The following IRS1 variants were observed in gnomAD, a reference collection of about 807,000 sequenced individuals.
IRS1 encodes the protein insulin receptor substrate 1.
In IRS1, 34 loss-of-function variants were observed where a neutral mutation model predicts 65.6. That is an observed-to-expected ratio of 0.52 (90% confidence interval 0.39 to 0.69). IRS1 has a LOEUF of 0.69. Among genes scored for constraint, IRS1 ranks in the 30% least tolerant of loss-of-function variants. The probability of loss-of-function intolerance (pLI) is 0.00; values close to 1 mark genes in which losing one functional copy is unlikely to be tolerated. For missense variants in IRS1, 1,641 were observed against 1,720.2 expected (o/e 0.95, Z 0.81); for synonymous variants, 699 against 683.5 (o/e 1.02, Z -0.35).
In IRS1 at chr2:226,732,598, CTA is replaced by C. The variant is rs1166696238; in HGVS notation, c.*3672_*3673del. 2 of 148,378 alleles carry C rather than the reference CTA, an allele frequency of 1.3e-5. No homozygotes were observed. Among genetic ancestry groups the C allele is most frequent in the South Asian group, 2.1e-4 (1 of 4,742 alleles). The allele number at this position is 148,378 out of a possible 1,614,324, so 9.2% of individuals were successfully genotyped here. On this transcript the variant is annotated 3_prime_UTR_variant, in exon 2 of 2. Transcript: ENST00000305123. Reference sequence around the variant, plus strand: ...TATCTATATATTTGTATATATTCATCTATATATACACACACACATCCCACACA... The same window carrying C: ...TATCTATATATTTGTATATATTCATCTATATACACACACACATCCCACACA...
Position 226,798,657 on chromosome 2 carries a change from G to C in IRS1, c.82C>G (p.Arg28Gly). 6.2e-7 allele frequency: 1 copy of C among 1,613,174 alleles called. No homozygotes were observed. The highest frequency in any genetic ancestry group is 2.2e-5 in the East Asian group (1 of 44,872). ...CTGGCCGCGCGCAGTACGAAGAAGC[G>C]TTTGTGCATGCTCTTGGGTTTGCGC... is the stretch of plus-strand genomic sequence containing the variant. ...YLRKPKSMHK[R>G]FFVLRAASEA... The change falls in exon 1 of 2, where the codon CGC becomes GGC. Residue 28 changes from arginine to glycine, a missense_variant. Transcript: ENST00000305123. This position sits in a 1 kb window ranked among gnomAD's most constrained non-coding sequence, Gnocchi z 9.4.
At chr2:226,781,213 G>GATTTTACATTGCAAATGCA (rs1939375076) in intron 1 of IRS1, among the ~76,000 whole-genome samples, 1 of 152,178 alleles carries the variant, frequency 6.6e-6, no homozygotes, top group Non-Finnish European at 1.5e-5. Flanking sequence ...TAAAGGCATT[G>GATTTTACATTGCAAATGCA]ATTTTACATT....
chr2:226,795,706 G>T lies in IRS1; in HGVS notation c.3033C>A (p.Ser1011Arg), dbSNP rs894163217. ...CAATGCCTGTTCGCATGTCAGCATA[G>T]CTTACAGGGGCAGCTGGCGAGGTGT... ...YVDTSPAAPV[S>R]YADMRTGIAA... Residue 1011 changes from serine to arginine, a missense_variant, in exon 1 of 2, where the codon AGC becomes AGA. Around this residue, in one of 3 missense-constraint regions of IRS1, gnomAD observed 1,324 missense variants for 1,361.0 expected, o/e 0.97. Transcript: ENST00000305123. 1.2e-6 allele frequency: 2 copies of T among 1,613,290 alleles called. No homozygotes were observed. Among genetic ancestry groups the T allele is most frequent in the Admixed American group, 1.7e-5 (1 of 60,012 alleles).
intron 1 of IRS1, among the ~76,000 whole-genome samples, chr2:226,744,284 C>G (rs1938495940): frequency 6.6e-6 from 1 of 152,140 alleles, no homozygotes; most frequent in African/African-American, 2.4e-5. Flanking sequence ...AGAACTTGGT[C>G]ATGTAAGAAA....
Position 226,794,961 on chromosome 2 carries a change from C to T in IRS1, c.*21+28G>A, listed in dbSNP as rs766022734. On this transcript the variant is annotated intron_variant, in intron 1 of 1. Transcript: ENST00000305123. The surrounding 1 kb of genome is among the most constrained non-coding windows in gnomAD (Gnocchi z 4.1). ...AGGACAAGGTTAAAAGCAGTTTTGT[C>T]TTCTGACTTTGTCACCATGAAACGC... 6.2e-7 allele frequency: 1 copy of T among 1,600,598 alleles called. No homozygotes were observed. Among genetic ancestry groups the T allele is most frequent in the Non-Finnish European group, 8.6e-7 (1 of 1,168,962 alleles).
At position 226,798,000 on chromosome 2, in the gene IRS1, G is replaced by T; in HGVS notation, c.739C>A (p.Gln247Lys). Reference protein sequence around the residue: ...WMQVDDSVVAQNMHETILEAM... With the variant: ...WMQVDDSVVAKNMHETILEAM... ...TCCAGGATGGTCTCGTGCATGTTCTGGGCCACCACAGAGTCATCCACCTGC... is the reference window on the plus strand; with the variant it reads ...TCCAGGATGGTCTCGTGCATGTTCTTGGCCACCACAGAGTCATCCACCTGC... The change falls in exon 1 of 2, where the codon CAG becomes AAG. Residue 247 changes from glutamine (Q) to lysine (K), a missense_variant. By Grantham distance (53) the Gln-to-Lys change is moderately conservative (BLOSUM62 1). This residue lies in a region of IRS1 where 77 missense variants were observed against 129.6 expected (regional missense o/e 0.59). Transcript: ENST00000305123. The surrounding 1 kb of genome is among the most constrained non-coding windows in gnomAD (Gnocchi z 8.1). The T allele has an allele frequency of 6.2e-7, 1 of 1,614,058 alleles. No homozygotes were observed.
chr2:226,796,700 C>G lies in IRS1; in HGVS notation c.2039G>C (p.Ser680Thr). 10 of 1,613,350 alleles carry G rather than the reference C, an allele frequency of 6.2e-6. No homozygotes were observed. Among genetic ancestry groups the G allele is most frequent in the African/African-American group, 1.3e-5 (1 of 74,952 alleles). Reference sequence around the variant, plus strand: ...GGCGTTGCTGCTGCTGCTGCTGCTGCTGGGGCCACCTCCAATGTCAGGAGA... The same window carrying G: ...GGCGTTGCTGCTGCTGCTGCTGCTGGTGGGGCCACCTCCAATGTCAGGAGA... ...GCSPDIGGGP[S>T]SSSSSSNAVP... The change falls in exon 1 of 2, where the codon AGC becomes ACC. Residue 680 changes from serine to threonine, a missense_variant. This residue lies in a region of IRS1 where 1,324 missense variants were observed against 1,361.0 expected (regional missense o/e 0.97). Transcript: ENST00000305123.
Position 226,795,354 on chromosome 2 carries a change from CACCGCCCCCTACT to C in IRS1, c.3372_3384del (p.Val1125AlafsTer10). On this transcript the variant is annotated frameshift_variant, in exon 1 of 2. Coordinates refer to ENST00000305123, the MANE Select transcript of IRS1 (RefSeq NM_005544.3). LOFTEE classifies it high-confidence loss of function. ...TCCTCGCTGCTGCTGCTGCTACCGC[CACCGCCCCCTACT>C]GCTGCCCCCGCTCCAAAGGGCACTG... 1 of 1,613,240 alleles carries C rather than the reference CACCGCCCCCTACT, an allele frequency of 6.2e-7. No individual in the cohort carries two copies. The highest frequency in any genetic ancestry group is 8.5e-7 in the Non-Finnish European group (1 of 1,179,992).
At chr2:226,737,787 T>G (rs1938357521) in intron 1 of IRS1, among the ~76,000 whole-genome samples, 1 of 152,122 alleles carries the variant, frequency 6.6e-6, no homozygotes, top group African/African-American at 2.4e-5. Context: ...AAAAGAATAA[T>G]GTGGGGATGT....
chr2:226,798,452 G>C lies in IRS1; in HGVS notation c.287C>G (p.Ala96Gly). 6.2e-7 allele frequency: 1 copy of C among 1,614,138 alleles called. No homozygotes were observed. Among genetic ancestry groups the C allele is most frequent in the Non-Finnish European group, 8.5e-7 (1 of 1,180,028 alleles). Reference protein sequence around the residue: ...LYTRDEHFAIAADSEAEQDSW... With the variant: ...LYTRDEHFAIGADSEAEQDSW... ...GTCTTGCTCGGCCTCGCTGTCCGCC[G>C]CGATGGCAAAGTGCTCGTCCCGGGT... The change falls in exon 1 of 2, where the codon GCG (alanine) becomes GGG (glycine). Residue 96 changes from alanine to glycine, a missense_variant. This residue lies in a region of IRS1 where 240 missense variants were observed against 229.6 expected (regional missense o/e 1.05). Coordinates refer to ENST00000305123, the MANE Select transcript of IRS1 (RefSeq NM_005544.3). This position sits in a 1 kb window ranked among gnomAD's most constrained non-coding sequence, Gnocchi z 9.4.
At chr2:226,749,989 C>T (rs1938640927) in intron 1 of IRS1, among the ~76,000 whole-genome samples, 1 of 152,090 alleles carries the variant, frequency 6.6e-6, no homozygotes, top group South Asian at 2.1e-4. Flanking sequence ...GTGGCTCATG[C>T]CTGTAATCTC....
At chr2:226,782,395 A>G (rs949054884) in intron 1 of IRS1, among the ~76,000 whole-genome samples, 1 of 152,182 alleles carries the variant, frequency 6.6e-6, no homozygotes, top group African/African-American at 2.4e-5. Flanking sequence ...GATGTGGCAA[A>G]CCATTTGCAT....
chr2:226,792,972 C>G (rs1417350416), intron 1 of IRS1, among the ~76,000 whole-genome samples: 2 of 152,288 alleles, frequency 1.3e-5, no homozygotes, highest in East Asian at 1.9e-4. Flanking sequence ...TTTCCTGGCA[C>G]TGTGCAAAGC....
Position 226,798,808 on chromosome 2 carries a change from T to C in IRS1, c.-70A>G. 1.3e-6 allele frequency: 2 copies of C among 1,557,266 alleles called. No individual in the cohort carries two copies. Among genetic ancestry groups the C allele is most frequent in the South Asian group, 2.3e-5 (2 of 86,014 alleles). ...AAACAACCGGGTGGGGGGCGGAGGC[T>C]CCTCGCCGCGGCCCGGCACATGCAA... On this transcript the variant is annotated 5_prime_UTR_variant, in exon 1 of 2. Transcript: ENST00000305123. The surrounding 1 kb of genome is among the most constrained non-coding windows in gnomAD (Gnocchi z 9.4).
Position 226,756,885 on chromosome 2 carries a change from C to A in IRS1, c.*22-20635G>T, listed in dbSNP as rs549928382. On this transcript the variant is annotated intron_variant, in intron 1 of 1. Transcript: ENST00000305123. Reference sequence around the variant, plus strand: ...GCTGAGACAGGAGAATCACGTGAACCCAGGAGGTGGAGGTTGCAGTGAGCT... The same window carrying A: ...GCTGAGACAGGAGAATCACGTGAACACAGGAGGTGGAGGTTGCAGTGAGCT... Among the ~76,000 whole-genome samples the A allele has an allele frequency of 2.0e-5, 3 of 152,156 alleles. No individual in the cohort carries two copies. The South Asian group carries it at 6.2e-4, about 32-fold the overall frequency.
Position 226,796,520 on chromosome 2 carries a change from T to G in IRS1, c.2219A>C (p.Asp740Ala). 1.2e-6 allele frequency: 2 copies of G among 1,613,532 alleles called. No homozygotes were observed. Among genetic ancestry groups the G allele is most frequent in the Non-Finnish European group, 1.7e-6 (2 of 1,179,908 alleles). ...GDYMNMSPVG[D>A]SNTSSPSDCY... ...GTCGGAGGGGCTGCTGGTGTTGGAGTCCCCCACTGGTGACATGTTCATGTA... is the reference window on the plus strand; with the variant it reads ...GTCGGAGGGGCTGCTGGTGTTGGAGGCCCCCACTGGTGACATGTTCATGTA... Residue 740 changes from aspartate to alanine, a missense_variant, in exon 1 of 2, where the codon GAC becomes GCC. Coordinates refer to ENST00000305123, the MANE Select transcript of IRS1 (RefSeq NM_005544.3).
chr2:226,783,108 G>T (rs528407969), intron 1 of IRS1, among the ~76,000 whole-genome samples: 1 of 152,146 alleles, frequency 6.6e-6, no homozygotes, highest in Admixed American at 6.5e-5. Flanking sequence ...AGAGACAACC[G>T]CATCTACTAC....
At chr2:226,765,288 C>T (rs545053571) in intron 1 of IRS1, among the ~76,000 whole-genome samples, 3 of 152,292 alleles carry the variant, frequency 2.0e-5, no homozygotes, top group Admixed American at 6.5e-5. Context: ...TTACCTCCCT[C>T]GGGAAATACA....
chr2:226,766,714 G>C (rs1191051979), intron 1 of IRS1, among the ~76,000 whole-genome samples: 1 of 152,044 alleles, frequency 6.6e-6, no homozygotes, highest in Non-Finnish European at 1.5e-5. Context: ...AATAAGCAAG[G>C]GCAGAGTTTA....
Sources: gnomAD v4.1 joint callset for allele counts (sites outside exome capture counted in the v4.1 genomes callset) on GRCh38, gnomAD v4.1.1 for gene constraint, gnomAD v4.1.1 regional missense constraint, Gnocchi (gnomAD v3.1) non-coding constraint, MANE v1.5 for transcripts, NCBI Gene and HGNC (gene_info 2026-07-23, HGNC 2026-07-21) for gene names.